Variants in BICC1 observed in about 807,000 individuals in gnomAD.
BICC1 encodes protein bicaudal C homolog 1.
BICC1 carries 43 observed loss-of-function variants against 111.0 expected under a neutral mutation model. The ratio of observed to expected loss-of-function variants is 0.39; its 90% CI spans 0.30 to 0.50. BICC1 has a LOEUF of 0.50. Ranked by LOEUF, BICC1 falls within the 20% of genes least tolerant of loss-of-function variation. The pLI, the probability that BICC1 is intolerant of heterozygous loss-of-function variation, is 0.88. For synonymous variants in BICC1, 467 were observed against 434.4 expected, an observed-to-expected ratio of 1.07 and a Z score of -0.93; for missense variants, 1,091 against 1,203.2, an observed-to-expected ratio of 0.91 and a Z score of 1.38.
At chr10:58,598,669 A>C (rs1185280708) in intron 1 of BICC1, among the ~76,000 whole-genome samples, 1 of 152,174 alleles carries the variant, frequency 6.6e-6, no homozygotes, top group African/African-American at 2.4e-5. Context: ...GATCTAATTA[A>C]ATTAAAGAGC....
chr10:58,738,170 G>A (rs962638958), intron 3 of BICC1, among the ~76,000 whole-genome samples: 10 of 152,126 alleles, frequency 6.6e-5, no homozygotes, highest in African/African-American at 9.7e-5. Flanking sequence ...GACCATGCCT[G>A]TGTCCTGAAT....
intron 2 of BICC1, among the ~76,000 whole-genome samples, chr10:58,649,403 C>T (rs1019122917): frequency 5.3e-5 from 8 of 152,154 alleles, no homozygotes; most frequent in African/African-American, 1.9e-4. Flanking sequence ...AACCCACCCA[C>T]GAAGCCTGCC....
At chr10:58,734,425 C>T (rs550272776) in intron 3 of BICC1, among the ~76,000 whole-genome samples, 22 of 152,310 alleles carry the variant, frequency 1.4e-4, no homozygotes, top group Admixed American at 9.8e-4. Context: ...TAAACAAAAT[C>T]GTTAACATTT....
chr10:58,584,433 G>T (rs1241882557), intron 1 of BICC1, among the ~76,000 whole-genome samples: 1 of 152,118 alleles, frequency 6.6e-6, no homozygotes, highest in South Asian at 2.1e-4. Flanking sequence ...GGGAGGAGGT[G>T]ACTTCGGCAA....
intron 1 of BICC1, among the ~76,000 whole-genome samples, chr10:58,527,696 T>C (rs1424485368): frequency 6.6e-6 from 1 of 152,136 alleles, no homozygotes; most frequent in Non-Finnish European, 1.5e-5. Flanking sequence ...TCCCCATTTC[T>C]TGTTTTTGCC....
chr10:58,781,468 AT>A (rs1486802288), intron 3 of BICC1, among the ~76,000 whole-genome samples: 9 of 151,770 alleles, frequency 5.9e-5, no homozygotes, highest in Non-Finnish European at 1.3e-4. Flanking sequence ...AAAGTAGTAA[AT>A]TTTTTTTTAA....
intron 1 of BICC1, among the ~76,000 whole-genome samples, chr10:58,596,890 A>G (rs1844832637): frequency 1.3e-5 from 2 of 152,238 alleles, no homozygotes; most frequent in Admixed American, 6.5e-5. Context: ...ACCACTGCTC[A>G]AGGAAATAGG....
intron 1 of BICC1, among the ~76,000 whole-genome samples, chr10:58,572,686 C>T (rs1265566190): frequency 6.6e-6 from 1 of 151,936 alleles, no homozygotes; most frequent in East Asian, 1.9e-4. Context: ...TCTATGTCTA[C>T]CTGTAGATAT....
At chr10:58,661,309 T>C (rs1019366848) in intron 2 of BICC1, among the ~76,000 whole-genome samples, 1 of 151,944 alleles carries the variant, frequency 6.6e-6, no homozygotes, top group African/African-American at 2.4e-5. Context: ...TAGTTCCATG[T>C]CATTTCTCTC....
chr10:58,513,832 C>G (rs538767192), intron 1 of BICC1, among the ~76,000 whole-genome samples: 1 of 152,214 alleles, frequency 6.6e-6, no homozygotes, highest in African/African-American at 2.4e-5. Context: ...GATGTCAAGG[C>G]TTAAGACAGG....
intron 3 of BICC1, among the ~76,000 whole-genome samples, chr10:58,754,243 T>C (rs1454285134): frequency 2.0e-5 from 3 of 152,226 alleles, no homozygotes; most frequent in Non-Finnish European, 4.4e-5. Flanking sequence ...CTTACAGTCA[T>C]TATCTGACTA....
chr10:58,809,717 A>G (rs1440776359), intron 17 of BICC1, among the ~76,000 whole-genome samples: 1 of 152,216 alleles, frequency 6.6e-6, no homozygotes, highest in Non-Finnish European at 1.5e-5. Context: ...ATCTTAGGGT[A>G]TTATGTGAAC....
intron 2 of BICC1, among the ~76,000 whole-genome samples, chr10:58,626,995 G>A (rs1413282623): frequency 7.2e-5 from 11 of 152,184 alleles, no homozygotes; most frequent in South Asian, 2.1e-4. Flanking sequence ...CGATCTACTC[G>A]GGAGGCTGAG....
Position 58,691,549 on chromosome 10 carries a change from T to C in BICC1, c.238-10525T>C, listed in dbSNP as rs1168835910. 3.3e-5 allele frequency among the ~76,000 whole-genome samples: 5 copies of C among 152,224 alleles called. No homozygotes were observed. The South Asian group carries it at 8.3e-4, about 25-fold the overall frequency. On this transcript the variant is annotated intron_variant, in intron 2 of 20. Transcript: ENST00000373886. Reference sequence around the variant, plus strand: ...GTCAAAAAGTGGGACCCATGCTTGCTTTGGCCCACAAAGTGGTTTTTGCAT... The same window carrying C: ...GTCAAAAAGTGGGACCCATGCTTGCCTTGGCCCACAAAGTGGTTTTTGCAT...
At chr10:58,753,127 TA>T (rs1842037805) in intron 3 of BICC1, among the ~76,000 whole-genome samples, 1 of 152,166 alleles carries the variant, frequency 6.6e-6, no homozygotes, top group Non-Finnish European at 1.5e-5. Flanking sequence ...AAAGTCAACT[TA>T]ATATTTTTCT....
intron 2 of BICC1, among the ~76,000 whole-genome samples, chr10:58,658,450 G>A (rs1174338520): frequency 6.6e-6 from 1 of 152,030 alleles, no homozygotes; most frequent in Admixed American, 6.6e-5. Flanking sequence ...GCTTCCCAAA[G>A]TGCTGGGATT....
chr10:58,796,621 A>G (rs79084554), intron 10 of BICC1, 95 bp downstream of exon 10: 1 of 1,203,018 alleles, frequency 8.3e-7, no homozygotes, highest in African/African-American at 1.6e-5. Context: ...TTTAAAGGCT[A>G]TTTTTTTTTC....
At chr10:58,828,650 C>A in intron 20 of BICC1, 111 bp from the exon 21 acceptor site, 1 of 1,181,338 alleles carries the variant, frequency 8.5e-7, no homozygotes, top group Non-Finnish European at 1.2e-6. Context: ...CCAGACTTGA[C>A]TTTCCTCAAA....
intron 2 of BICC1, among the ~76,000 whole-genome samples, chr10:58,659,209 A>G (rs1838761455): frequency 6.6e-6 from 1 of 152,218 alleles, no homozygotes; most frequent in Middle Eastern, 3.2e-3. Flanking sequence ...GCTCAATACC[A>G]TTCAACCCAG....
Sources: allele counts gnomAD v4.1 joint callset (sites outside exome capture counted in the v4.1 genomes callset), GRCh38; gene constraint gnomAD v4.1.1; transcripts MANE v1.5; gene names NCBI Gene and HGNC (gene_info 2026-07-23, HGNC 2026-07-21).